The following TAOK1 variants were observed in gnomAD, a reference collection of about 807,000 sequenced individuals.
The protein encoded by TAOK1 is serine/threonine-protein kinase TAO1.
In TAOK1, 21 loss-of-function variants were observed where a neutral mutation model predicts 138.3. The ratio of observed to expected loss-of-function variants is 0.15; its 90% CI spans 0.11 to 0.22. The LOEUF (loss-of-function observed/expected upper bound fraction) is 0.22. Among genes scored for constraint, TAOK1 ranks in the 10% least tolerant of loss-of-function variants. The pLI is 1.00. For missense variants in TAOK1, 651 were observed against 1,227.7 expected, an observed-to-expected ratio of 0.53 and a Z score of 7.02; for synonymous variants, 361 against 398.4, an observed-to-expected ratio of 0.91 and a Z score of 1.12.
At chr17:29,397,008 AAAAG>A (rs990352432) in intron 1 of TAOK1, among the ~76,000 whole-genome samples, 2 of 145,404 alleles carry the variant, frequency 1.4e-5, no homozygotes, top group Non-Finnish European at 3.0e-5. Flanking sequence ...AAAAAAAAAA[AAAAG>A]GGCTGGGCAT....
chr17:29,523,433 G>A (rs1228657774), intron 17 of TAOK1, among the ~76,000 whole-genome samples: 1 of 152,132 alleles, frequency 6.6e-6, no homozygotes, highest in Non-Finnish European at 1.5e-5. Flanking sequence ...TTTCGCCCAG[G>A]CTGGAGTGCA....
At chr17:29,414,920 TC>T (rs1415076490) in intron 1 of TAOK1, among the ~76,000 whole-genome samples, 1 of 152,158 alleles carries the variant, frequency 6.6e-6, no homozygotes, top group African/African-American at 2.4e-5. Context: ...GAGTTTGTTT[TC>T]CCATTGATTT....
Position 29,536,756 on chromosome 17 carries a change from G to A in TAOK1, c.2544+2456G>A, listed in dbSNP as rs1166276265. On this transcript the variant is annotated intron_variant, in intron 19 of 19. Transcript: ENST00000261716. Reference sequence around the variant, plus strand: ...GCTGTGTGGCCCAGGCTGGAGTGCAGTGGCGTGATCTCTGCTCACTGCAAG... The same window carrying A: ...GCTGTGTGGCCCAGGCTGGAGTGCAATGGCGTGATCTCTGCTCACTGCAAG... Among the ~76,000 whole-genome samples, 4 of 144,054 alleles carry A rather than the reference G, an allele frequency of 2.8e-5. No individual in the cohort carries two copies. The Admixed American group carries it at 2.8e-4, about 10-fold the overall frequency. 94.5% of individuals were successfully genotyped at this position (144,054 alleles called of 152,430 possible).
At chr17:29,522,162 A>ACT in intron 16 of TAOK1, 118 bp from the exon 17 acceptor site, 5 of 1,313,422 alleles carry the variant, frequency 3.8e-6, no homozygotes, top group Non-Finnish European at 5.2e-6. Context: ...TTACTATGCA[A>ACT]CTATAATTGA....
At chr17:29,394,940 A>G (rs192886653) in intron 1 of TAOK1, among the ~76,000 whole-genome samples, 2 of 150,256 alleles carry the variant, frequency 1.3e-5, no homozygotes, top group Non-Finnish European at 3.0e-5. Context: ...ACAAAAACAA[A>G]TTTTTTTTTT....
chr17:29,498,053 T>C (rs1163665312), intron 11 of TAOK1, among the ~76,000 whole-genome samples: 1 of 152,230 alleles, frequency 6.6e-6, no homozygotes, highest in Non-Finnish European at 1.5e-5. Flanking sequence ...TATTGTACTT[T>C]GAAAATCACC....
chr17:29,410,381 G>A (rs988570950), intron 1 of TAOK1, among the ~76,000 whole-genome samples: 3 of 152,092 alleles, frequency 2.0e-5, no homozygotes, highest in Non-Finnish European at 4.4e-5. Flanking sequence ...CTCCCGAGTA[G>A]CTGGGATTAC....
chr17:29,443,990 C>T (rs1042709836), intron 1 of TAOK1, among the ~76,000 whole-genome samples: 1 of 152,054 alleles, frequency 6.6e-6, no homozygotes, highest in Non-Finnish European at 1.5e-5. Context: ...TGGCACACAC[C>T]TGTAATCCCA....
At chr17:29,526,864 C>T (rs548402717) in intron 17 of TAOK1, among the ~76,000 whole-genome samples, 2 of 138,984 alleles carry the variant, frequency 1.4e-5, no homozygotes, top group East Asian at 4.4e-4. Context: ...CACAGTGGCT[C>T]ACGGCTGCAA....
At chr17:29,501,528 A>G (rs550458815) in intron 12 of TAOK1, among the ~76,000 whole-genome samples, 131 of 152,040 alleles carry the variant, frequency 8.6e-4, no homozygotes, top group African/African-American at 3.0e-3. Flanking sequence ...CAGTCCTTCA[A>G]TTTTTTACAA....
chr17:29,395,101 G>C (rs1279745345), intron 1 of TAOK1, among the ~76,000 whole-genome samples: 1 of 152,012 alleles, frequency 6.6e-6, no homozygotes, highest in Non-Finnish European at 1.5e-5. Context: ...GAAAATATTA[G>C]TGGGGCGTGA....
At chr17:29,410,779 G>A (rs577703725) in intron 1 of TAOK1, among the ~76,000 whole-genome samples, 38 of 151,102 alleles carry the variant, frequency 2.5e-4, no homozygotes, top group African/African-American at 7.8e-4. Flanking sequence ...AGAATTACAG[G>A]CGCCCACCAC....
At chr17:29,478,954 G>A (rs979814037) in intron 6 of TAOK1, among the ~76,000 whole-genome samples, 6 of 152,024 alleles carry the variant, frequency 3.9e-5, no homozygotes, top group South Asian at 2.1e-4. Context: ...GTAAAACCTC[G>A]TCTCCACTGA....
chr17:29,420,588 T>TTG (rs1200298174), intron 1 of TAOK1, among the ~76,000 whole-genome samples: 2 of 149,796 alleles, frequency 1.3e-5, no homozygotes, highest in Admixed American at 6.6e-5. Context: ...TTAATCTGTT[T>TTG]TTTTTTTTTT....
At chr17:29,456,044 G>A (rs2153024640) in intron 2 of TAOK1, among the ~76,000 whole-genome samples, 1 of 150,246 alleles carries the variant, frequency 6.7e-6, no homozygotes, top group Non-Finnish European at 1.5e-5. Flanking sequence ...ATTGGTATTA[G>A]TCTTCTTTAA....
At position 29,534,234 on chromosome 17, in the gene TAOK1, A is replaced by T. The variant is rs748954419; in HGVS notation, c.2478A>T (p.Gln826His). The T allele has an allele frequency of 1.2e-6, 2 of 1,613,492 alleles. No individual in the cohort carries two copies. The highest frequency in any genetic ancestry group is 3.3e-4 in the Middle Eastern group (2 of 6,062). ...QSKIKMQAEA[Q>H]HDRELRELEQ... The stretch of plus-strand genomic sequence containing the variant: ...AAATCAAGATGCAAGCTGAGGCACA[A>T]CATGATCGAGAGCTTCGCGAGCTTG... The change falls in exon 19 of 20, where the codon CAA (glutamine) becomes CAT (histidine). Residue 826 changes from glutamine (Q) to histidine (H), a missense_variant. Coordinates refer to ENST00000261716, the MANE Select transcript of TAOK1 (RefSeq NM_020791.4).
intron 12 of TAOK1, among the ~76,000 whole-genome samples, chr17:29,499,973 T>C (rs118019384): frequency 0.013 from 1,904 of 152,284 alleles, 32 homozygotes; most frequent in Non-Finnish European, 0.016. Flanking sequence ...AAATGTTAAA[T>C]CTTCTGAAAA....
intron 10 of TAOK1, among the ~76,000 whole-genome samples, chr17:29,492,861 C>T (rs774379793): frequency 1.3e-5 from 2 of 152,174 alleles, no homozygotes; most frequent in Non-Finnish European, 2.9e-5. Flanking sequence ...AAATAGTAGG[C>T]TGGGCACGGT....
chr17:29,421,773 A>T (rs568203869), intron 1 of TAOK1, among the ~76,000 whole-genome samples: 1 of 151,570 alleles, frequency 6.6e-6, no homozygotes, highest in African/African-American at 2.4e-5. Flanking sequence ...CAGTTAAAAA[A>T]TTTTTGGGGG....
Sources: allele counts gnomAD v4.1 joint callset (sites outside exome capture counted in the v4.1 genomes callset), GRCh38; gene constraint gnomAD v4.1.1; transcripts MANE v1.5; gene names NCBI Gene and HGNC (gene_info 2026-07-23, HGNC 2026-07-21).